Variants in CCP110 observed in about 807,000 individuals in gnomAD.
CCP110 encodes the protein centriolar coiled-coil protein 110.
A neutral mutation model predicts 105.5 loss-of-function variants in CCP110; 43 were observed. The observed-to-expected ratio is 0.41, with a 90% CI of 0.32 to 0.53. The LOEUF (loss-of-function observed/expected upper bound fraction) is 0.53, where lower values mean the gene tolerates loss of function less well. Ranked by LOEUF, CCP110 falls within the 20% of genes least tolerant of loss-of-function variation. The pLI is 0.32. For missense variants in CCP110, 1,016 were observed against 1,189.1 expected, an observed-to-expected ratio of 0.85 and a Z score of 2.14; for synonymous variants, 353 against 392.1, an observed-to-expected ratio of 0.90 and a Z score of 1.18.
exon 15 of CCP110, chr16:19,552,454 G>A (rs972526046): frequency 3.3e-5 from 5 of 151,670 alleles, no homozygotes; most frequent in South Asian, 2.1e-4. Flanking sequence ...TTGAACCTGG[G>A]AGGCAGAGGT....
exon 2 of CCP110, chr16:19,527,903 T>A: frequency 6.2e-7 from 1 of 1,613,646 alleles, no homozygotes. Flanking sequence ...TGAGAAGTTC[T>A]GTGAAAAAAG....
At chr16:19,541,536 G>A (rs1970278185) in intron 5 of CCP110, among the ~76,000 whole-genome samples, 1 of 151,852 alleles carries the variant, frequency 6.6e-6, no homozygotes, top group South Asian at 2.1e-4. Context: ...TGAGGCAGGA[G>A]AATCACTTGA....
At chr16:19,550,082 G>T (rs1221421971) in intron 14 of CCP110, among the ~76,000 whole-genome samples, 1 of 151,960 alleles carries the variant, frequency 6.6e-6, no homozygotes, top group African/African-American at 2.4e-5. Flanking sequence ...AAAGTCTGTT[G>T]CTGTTGTTTT....
exon 4 of CCP110, chr16:19,536,858 T>G (rs745407435): frequency 6.2e-7 from 1 of 1,614,108 alleles, no homozygotes; most frequent in South Asian, 1.1e-5. Context: ...AATAAATGCC[T>G]GTGAATTAAG....
chr16:19,542,030 G>T (rs772749230), exon 6 of CCP110: 1 of 1,590,970 alleles, frequency 6.3e-7, no homozygotes, highest in South Asian at 1.2e-5. Context: ...TGTCTCAAGC[G>T]GACTCACTCC....
chr16:19,540,731 C>T lies in CCP110; in HGVS notation c.1993C>T (p.Gln665Ter), dbSNP rs1051556434. 1 of 1,613,286 alleles carries T rather than the reference C, an allele frequency of 6.2e-7. No individual in the cohort carries two copies. Among genetic ancestry groups the T allele is most frequent in the Non-Finnish European group, 8.5e-7 (1 of 1,179,482 alleles). Residue 665 changes from glutamine (Q) to a stop codon, truncating the protein, a stop_gained, in exon 5 of 15, where the codon CAG (glutamine) becomes TAG (stop). Transcript: ENST00000381396. LOFTEE classifies it high-confidence loss of function. ...GAAGAGACTAGAAGAACAGCACGCCCAGCAATTATCACTACTCATAGCTGA... is the reference window on the plus strand; with the variant it reads ...GAAGAGACTAGAAGAACAGCACGCCTAGCAATTATCACTACTCATAGCTGA...
chr16:19,548,467 T>C lies in CCP110; in HGVS notation c.2901-48T>C, dbSNP rs1225101344. On this transcript the variant is annotated intron_variant, in intron 13 of 14. Coordinates refer to ENST00000381396, the Ensembl canonical transcript of CCP110. The surrounding 1 kb of genome is among the most constrained non-coding windows in gnomAD (Gnocchi z 4.1). ...GATTGCTTTCTTTGAATTTTGAACA[T>C]TTAGACCTTAATGCCAGTGACTTAT... is the stretch of plus-strand genomic sequence containing the variant. 8.3e-7 allele frequency: 1 copy of C among 1,204,544 alleles called. No individual in the cohort carries two copies. The highest frequency in any genetic ancestry group is 1.4e-5 in the South Asian group (1 of 72,206). The allele number at this position is 1,204,544 out of a possible 1,614,324, so 74.6% of individuals were successfully genotyped here. A position where few individuals can be genotyped will look rare whatever the true frequency, so the allele number is the denominator to read the frequency against.
chr16:19,540,753 C>A (rs1597268874), exon 5 of CCP110: 1 of 1,613,576 alleles, frequency 6.2e-7, no homozygotes, highest in Middle Eastern at 1.6e-4. Context: ...CTACTCATAG[C>A]TGAGCAGGAA....
At chr16:19,551,225 C>A (rs574908955) in exon 15 of CCP110, 8 of 1,611,994 alleles carry the variant, frequency 5.0e-6, no homozygotes, top group Admixed American at 1.7e-5. Context: ...CCAAAGAAAG[C>A]GGCCAAATGT....
chr16:19,525,379 A>G (rs1449121007), intron 1 of CCP110: 1 of 152,240 alleles, frequency 6.6e-6, no homozygotes, highest in Non-Finnish European at 1.5e-5. Context: ...GTGATGCCTG[A>G]TGGCAAGATA....
At chr16:19,541,726 G>A (rs890639240) in intron 5 of CCP110, among the ~76,000 whole-genome samples, 161 bp from the exon 6 acceptor site, 1 of 145,328 alleles carries the variant, frequency 6.9e-6, no homozygotes, top group Non-Finnish European at 1.5e-5. Context: ...GGAGGGAAGG[G>A]AAGGGAAGGG....
Position 19,532,399 on chromosome 16 carries a change from T to G in CCP110, c.142-17T>G, listed in dbSNP as rs763279410. The stretch of plus-strand genomic sequence containing the variant: ...TTTTATCGTGGGAAATAATTACATT[T>G]TTATGATGTTTTGCAGCTTAACATT... On this transcript the variant is annotated splice_polypyrimidine_tract_variant and intron_variant, in intron 2 of 14. Coordinates refer to ENST00000381396, the Ensembl canonical transcript of CCP110. The G allele has an allele frequency of 6.4e-7, 1 of 1,565,192 alleles. No homozygotes were observed. The highest frequency in any genetic ancestry group is 1.2e-5 in the South Asian group (1 of 84,260).
chr16:19,546,295 C>T (rs1236532472), intron 11 of CCP110, 117 bp from the exon 12 acceptor site: 3 of 640,952 alleles, frequency 4.7e-6, no homozygotes, highest in Non-Finnish European at 8.1e-6. Flanking sequence ...TACAGGTCTT[C>T]CAGTAGTACA....
At chr16:19,528,803 C>T (rs1176888209) in intron 2 of CCP110, among the ~76,000 whole-genome samples, 4 of 152,068 alleles carry the variant, frequency 2.6e-5, no homozygotes, top group East Asian at 1.9e-4. Flanking sequence ...AAGGCTAAGG[C>T]GGAAGGATCG....
intron 2 of CCP110, among the ~76,000 whole-genome samples, chr16:19,530,666 G>A (rs1473805013): frequency 2.7e-5 from 4 of 150,160 alleles, no homozygotes; most frequent in African/African-American, 7.4e-5. Flanking sequence ...CTGGGCAACA[G>A]AGTGAGACCC....
chr16:19,527,777 T>C (rs927521261), intron 1 of CCP110, 90 bp from the exon 2 acceptor site: 29 of 966,662 alleles, frequency 3.0e-5, no homozygotes, highest in South Asian at 1.2e-4. Flanking sequence ...TTGTGAATTA[T>C]AGGGACTCTC....
At chr16:19,547,800 T>C in intron 12 of CCP110, 155 bp from the exon 13 acceptor site, 1 of 612,322 alleles carries the variant, frequency 1.6e-6, no homozygotes, top group Non-Finnish European at 2.9e-6. Flanking sequence ...ATTAATATGC[T>C]TTAGTCGATT....
intron 9 of CCP110, 91 bp downstream of exon 9, chr16:19,544,989 A>C: frequency 3.0e-6 from 3 of 991,026 alleles, no homozygotes; most frequent in African/African-American, 1.6e-5. Flanking sequence ...TTCAATGAAA[A>C]CTATTTTAAT....
intron 3 of CCP110, among the ~76,000 whole-genome samples, chr16:19,534,108 C>A (rs1969969151): frequency 6.6e-6 from 1 of 152,078 alleles, no homozygotes; most frequent in Non-Finnish European, 1.5e-5. Context: ...GATATTATTT[C>A]CCTTTCACAG....
Sources: allele counts gnomAD v4.1 joint callset (sites outside exome capture counted in the v4.1 genomes callset), GRCh38; gene constraint gnomAD v4.1.1; non-coding constraint Gnocchi (gnomAD v3.1); transcripts MANE v1.5; gene names NCBI Gene and HGNC (gene_info 2026-07-23, HGNC 2026-07-21).